The following GDPD5 variants were observed in gnomAD, a reference collection of about 807,000 sequenced individuals.
GDPD5 encodes glycerophosphodiester phosphodiesterase 2.
A neutral mutation model predicts 75.1 loss-of-function variants in GDPD5; 48 were observed. The observed-to-expected ratio is 0.64, with a 90% confidence interval of 0.51 to 0.81. The LOEUF is 0.81. Among genes scored for constraint, GDPD5 ranks in the 40% least tolerant of loss-of-function variants. The pLI is 0.00. For missense variants in GDPD5, 706 were observed against 822.6 expected, an observed-to-expected ratio of 0.86 and a Z score of 1.73; for synonymous variants, 336 against 339.0, an observed-to-expected ratio of 0.99 and a Z score of 0.10.
intron 2 of GDPD5, among the ~76,000 whole-genome samples, chr11:75,482,944 T>A (rs1464958439): frequency 6.6e-6 from 1 of 152,196 alleles, no homozygotes; most frequent in South Asian, 2.1e-4. Context: ...AGGGACTTCT[T>A]GGACCATACT....
chr11:75,435,946 A>T (rs951929744), intron 16 of GDPD5, among the ~76,000 whole-genome samples: 8 of 152,180 alleles, frequency 5.3e-5, no homozygotes, highest in Non-Finnish European at 1.0e-4. Flanking sequence ...TGCATGTGTC[A>T]GCCCCTCTCT....
intron 14 of GDPD5, among the ~76,000 whole-genome samples, chr11:75,440,619 G>A (rs964778641): frequency 1.3e-5 from 2 of 152,174 alleles, no homozygotes; most frequent in Non-Finnish European, 2.9e-5. Flanking sequence ...AGGCTGGAGT[G>A]ATCACAGCTC....
chr11:75,516,518 G>C (rs373089817), intron 1 of GDPD5, among the ~76,000 whole-genome samples: 3 of 152,200 alleles, frequency 2.0e-5, no homozygotes, highest in Non-Finnish European at 2.9e-5. Flanking sequence ...AGTTTGAAGG[G>C]ATGCCCATGA....
intron 6 of GDPD5, chr11:75,455,372 G>T (rs1357975681): frequency 4.4e-6 from 2 of 456,436 alleles, no homozygotes; most frequent in Non-Finnish European, 4.4e-6. Flanking sequence ...TAGAGTGAGG[G>T]CAGGAGGAAG....
At chr11:75,522,506 C>A (rs1941503414) in intron 1 of GDPD5, among the ~76,000 whole-genome samples, 1 of 152,134 alleles carries the variant, frequency 6.6e-6, no homozygotes, top group Admixed American at 6.5e-5. Context: ...GTCACCACCT[C>A]TCTGGAATCA....
intron 3 of GDPD5, 108 bp downstream of exon 3, chr11:75,477,511 G>T: frequency 5.4e-6 from 3 of 557,308 alleles, no homozygotes; most frequent in Non-Finnish European, 6.1e-6. Context: ...AAAGGCCATT[G>T]GCCTGTCCAG....
At chr11:75,514,440 G>A (rs1393651464) in intron 1 of GDPD5, among the ~76,000 whole-genome samples, 2 of 152,282 alleles carry the variant, frequency 1.3e-5, no homozygotes, top group African/African-American at 4.8e-5. Flanking sequence ...TGAGACGGAG[G>A]TGCCAGGACC....
In GDPD5 at chr11:75,441,819, A is replaced by G. The variant is rs762779804; in HGVS notation, c.1168-16T>C. 7 of 1,599,602 alleles carry G rather than the reference A, an allele frequency of 4.4e-6. No individual in the cohort carries two copies. In the South Asian group the frequency reaches 7.8e-5, roughly 18 times the overall value. ...GCCACATGACCTGCAGGCAGAAGAG[A>G]GGCAGCCTCAGACTTCTCTTCTGCA... is the stretch of plus-strand genomic sequence containing the variant. On this transcript the variant is annotated splice_polypyrimidine_tract_variant and intron_variant, in intron 12 of 16. Transcript: ENST00000336898.
chr11:75,488,033 C>T (rs1245840500), intron 2 of GDPD5, among the ~76,000 whole-genome samples: 5 of 152,206 alleles, frequency 3.3e-5, no homozygotes, highest in Non-Finnish European at 7.3e-5. Flanking sequence ...TCCAGCCTCC[C>T]CTTCCATTCA....
intron 2 of GDPD5, among the ~76,000 whole-genome samples, chr11:75,480,801 G>T (rs1459204910): frequency 3.3e-5 from 5 of 152,174 alleles, no homozygotes; most frequent in Non-Finnish European, 7.3e-5. Flanking sequence ...GTTTTTAAAT[G>T]GTTGTGAAGA....
At chr11:75,520,233 G>A (rs570062502) in intron 1 of GDPD5, among the ~76,000 whole-genome samples, 4 of 152,354 alleles carry the variant, frequency 2.6e-5, no homozygotes, top group East Asian at 1.9e-4. Context: ...TGAGTTGCTC[G>A]TTCACGAAGC....
At chr11:75,473,764 T>C (rs1367752762) in intron 3 of GDPD5, among the ~76,000 whole-genome samples, 2 of 152,142 alleles carry the variant, frequency 1.3e-5, no homozygotes, top group Admixed American at 6.5e-5. Flanking sequence ...GACACTCTCT[T>C]GTGCACACAG....
chr11:75,478,759 C>T (rs1375710762), intron 2 of GDPD5, among the ~76,000 whole-genome samples: 1 of 152,190 alleles, frequency 6.6e-6, no homozygotes, highest in African/African-American at 2.4e-5. Flanking sequence ...ACTTAAAATA[C>T]ACCAGGCACC....
chr11:75,504,612 C>T (rs114440932), intron 1 of GDPD5, among the ~76,000 whole-genome samples: 2 of 152,082 alleles, frequency 1.3e-5, no homozygotes, highest in Non-Finnish European at 2.9e-5. Flanking sequence ...AATAGTCAAA[C>T]TCAGAAACAG....
At chr11:75,505,139 A>C (rs1034271040) in intron 1 of GDPD5, among the ~76,000 whole-genome samples, 1 of 151,532 alleles carries the variant, frequency 6.6e-6, no homozygotes, top group Non-Finnish European at 1.5e-5. Context: ...AAAAAACAAC[A>C]AAAAAAACCT....
intron 1 of GDPD5, among the ~76,000 whole-genome samples, chr11:75,506,424 C>T (rs1313213121): frequency 4.6e-5 from 7 of 152,122 alleles, no homozygotes; most frequent in African/African-American, 1.7e-4. Context: ...CTAGGAGGAC[C>T]CAGGGTAGCC....
chr11:75,435,357 A>C lies in GDPD5; in HGVS notation c.*150T>G. On this transcript the variant is annotated 3_prime_UTR_variant, in exon 17 of 17. Transcript: ENST00000336898. ...CCTCAGGAGACAGGGAGTCCCCCTCAAGAGAGGCTGCGGCTGACAAGGGGC... is the reference window on the plus strand; with the variant it reads ...CCTCAGGAGACAGGGAGTCCCCCTCCAGAGAGGCTGCGGCTGACAAGGGGC... 1 of 665,396 alleles carries C rather than the reference A, an allele frequency of 1.5e-6. No individual in the cohort carries two copies. The highest frequency in any genetic ancestry group is 2.8e-5 in the East Asian group (1 of 35,528). The allele number at this position is 665,396 out of a possible 1,614,324, so 41.2% of individuals were successfully genotyped here.
intron 1 of GDPD5, among the ~76,000 whole-genome samples, chr11:75,491,827 G>A (rs1195199044): frequency 6.6e-6 from 1 of 152,176 alleles, no homozygotes; most frequent in Non-Finnish European, 1.5e-5. Flanking sequence ...GTTCTGAGAA[G>A]TGAACACACT....
Position 75,449,003 on chromosome 11 carries a change from G to C in GDPD5, c.688C>G (p.Leu230Val), listed in dbSNP as rs915999287. The C allele has an allele frequency of 1.3e-6, 2 of 1,596,662 alleles. No homozygotes were observed. The highest frequency in any genetic ancestry group is 1.1e-5 in the South Asian group (1 of 87,994). Residue 230 changes from leucine (L) to valine (V), a missense_variant, in exon 9 of 17, where the codon CTC becomes GTC. Transcript: ENST00000336898. ...ATGGGGGCCCCGCGGTGGCCAATGA[G>C]AGCAGGCTTGGGGCCGAGGTCTTTC... ...EKKDLGPKPA[L>V]IGHRGAPMLA...
Sources: gnomAD v4.1 joint callset for allele counts (sites outside exome capture counted in the v4.1 genomes callset) on GRCh38, gnomAD v4.1.1 for gene constraint, MANE v1.5 for transcripts, NCBI Gene and HGNC (gene_info 2026-07-23, HGNC 2026-07-21) for gene names.